HPR: variants seen among roughly 807,000 people sequenced by gnomAD.
The protein encoded by HPR is Haptoglobin-related locus.
In HPR, 17 loss-of-function variants were observed where a neutral mutation model predicts 18.5. The observed-to-expected ratio is 0.92, with a 90% CI of 0.63 to 1.38. The LOEUF (loss-of-function observed/expected upper bound fraction) is 1.38. Ranked by LOEUF, HPR falls within the 40% of genes most tolerant of loss-of-function variation. HPR has a pLI of 0.00. For missense variants in HPR, 457 were observed against 432.4 expected, an observed-to-expected ratio of 1.06 and a Z score of -0.51; for synonymous variants, 176 against 165.0, an observed-to-expected ratio of 1.07 and a Z score of -0.51.
intron 1 of HPR, among the ~76,000 whole-genome samples, chr16:72,066,697 C>G (rs1359002828): frequency 6.6e-6 from 1 of 152,110 alleles, no homozygotes; most frequent in Non-Finnish European, 1.5e-5. Context: ...GTTAAAGATC[C>G]ATTTTGTCAC....
chr16:72,063,975 C>T (rs911892457), intron 1 of HPR, among the ~76,000 whole-genome samples: 2 of 152,230 alleles, frequency 1.3e-5, no homozygotes, highest in Non-Finnish European at 2.9e-5. Flanking sequence ...CTCTTGACCT[C>T]GTGATCCACC....
chr16:72,065,958 C>T (rs1052502791), intron 1 of HPR, among the ~76,000 whole-genome samples: 33 of 152,158 alleles, frequency 2.2e-4, no homozygotes, highest in Non-Finnish European at 1.2e-4. Flanking sequence ...AGATTCTTCC[C>T]CAACTCATGA....
At chr16:72,072,660 C>G (rs1169649335) in intron 1 of HPR, among the ~76,000 whole-genome samples, 1 of 152,080 alleles carries the variant, frequency 6.6e-6, no homozygotes, top group Non-Finnish European at 1.5e-5. Context: ...GTTGCTTATT[C>G]TTGTAGGATG....
intron 4 of HPR, among the ~76,000 whole-genome samples, chr16:72,075,637 G>A (rs1017555369): frequency 6.6e-6 from 1 of 152,194 alleles, no homozygotes; most frequent in African/African-American, 2.4e-5. Context: ...AGGAACTGTT[G>A]CTCTCTCCTT....
At chr16:72,072,652 T>C (rs561958309) in intron 1 of HPR, among the ~76,000 whole-genome samples, 1 of 152,138 alleles carries the variant, frequency 6.6e-6, no homozygotes, top group Non-Finnish European at 1.5e-5. Flanking sequence ...AGAATAGGGT[T>C]GCTTATTCTT....
intron 1 of HPR, among the ~76,000 whole-genome samples, chr16:72,066,883 T>A (rs1194672029): frequency 6.6e-6 from 1 of 152,082 alleles, no homozygotes; most frequent in Non-Finnish European, 1.5e-5. Flanking sequence ...TCCAAACCCA[T>A]ATGCTACTAA....
Position 72,076,008 on chromosome 16 carries a change from A to G in HPR, c.269-295A>G, listed in dbSNP as rs59793890. On this transcript the variant is annotated intron_variant, in intron 4 of 4. Transcript: ENST00000540303. ...TTTCAATGAATTTCAGGGAATTGTG[A>G]AAATTCCTTTGTTGAGATAATTGTT... 5.3e-4 allele frequency among the ~76,000 whole-genome samples: 80 copies of G among 152,156 alleles called. 3 individuals are homozygous for G. The highest frequency in any genetic ancestry group is 4.3e-3 in the South Asian group (21 of 4,828).
chr16:72,072,837 A>C (rs1486225057), intron 1 of HPR, among the ~76,000 whole-genome samples: 1 of 152,204 alleles, frequency 6.6e-6, no homozygotes, highest in Non-Finnish European at 1.5e-5. Context: ...AAGAAAAAAT[A>C]CTGTAAAATA....
At chr16:72,073,554 T>C (rs1391318593) in intron 1 of HPR, among the ~76,000 whole-genome samples, 1 of 152,182 alleles carries the variant, frequency 6.6e-6, no homozygotes, top group Non-Finnish European at 1.5e-5. Flanking sequence ...TGTACCTTCC[T>C]GACTGCAGCC....
At chr16:72,063,661 C>G (rs116835266) in intron 1 of HPR, among the ~76,000 whole-genome samples, 3 of 152,210 alleles carry the variant, frequency 2.0e-5, no homozygotes, top group African/African-American at 7.2e-5. Context: ...TTGGGATACA[C>G]ACTAGTACCT....
chr16:72,075,833 C>CTTTT (rs34334289), intron 4 of HPR, among the ~76,000 whole-genome samples: 4 of 142,618 alleles, frequency 2.8e-5, no homozygotes, highest in African/African-American at 5.1e-5. Flanking sequence ...TTCTTTCTTT[C>CTTTT]TTTTTTTTTT....
At chr16:72,074,195 T>G (rs1033172253) in intron 2 of HPR, 89 bp from the exon 3 acceptor site, 12 of 1,296,952 alleles carry the variant, frequency 9.3e-6, no homozygotes, top group Middle Eastern at 4.1e-4. Context: ...GAGATTGATG[T>G]GCAGAGCAGC....
At chr16:72,069,968 A>G (rs2041637798) in intron 1 of HPR, among the ~76,000 whole-genome samples, 1 of 152,222 alleles carries the variant, frequency 6.6e-6, no homozygotes, top group African/African-American at 2.4e-5. Context: ...GCACTGATTC[A>G]GACAATGGAA....
chr16:72,070,142 G>T (rs1410306863), intron 1 of HPR, among the ~76,000 whole-genome samples: 2 of 152,164 alleles, frequency 1.3e-5, no homozygotes, highest in African/African-American at 4.8e-5. Flanking sequence ...GATTGCCATG[G>T]ACTAAATGTC....
At chr16:72,067,146 C>T (rs980360285) in intron 1 of HPR, among the ~76,000 whole-genome samples, 1 of 152,162 alleles carries the variant, frequency 6.6e-6, no homozygotes, top group Non-Finnish European at 1.5e-5. Context: ...CCCTTCCACT[C>T]ACGACCTTTG....
At chr16:72,063,520 G>A (rs2144057120) in intron 1 of HPR, among the ~76,000 whole-genome samples, 2 of 152,252 alleles carry the variant, frequency 1.3e-5, no homozygotes, top group South Asian at 2.1e-4. Context: ...TGTAGGGTAT[G>A]TCATCAGCTC....
chr16:72,064,488 C>G (rs1174846495), intron 1 of HPR, among the ~76,000 whole-genome samples: 2 of 152,158 alleles, frequency 1.3e-5, no homozygotes, highest in African/African-American at 4.8e-5. Context: ...CCCACCAAAA[C>G]TGATCTTCCC....
Position 72,074,294 on chromosome 16 carries a change from C to T in HPR, c.102C>T (p.Phe34=), listed in dbSNP as rs2041692358. 2.5e-6 allele frequency: 4 copies of T among 1,613,726 alleles called. No individual in the cohort carries two copies. In the Admixed American group the frequency reaches 6.7e-5, roughly 27 times the overall value. Residue 34 remains phenylalanine, a synonymous_variant, in exon 3 of 5, where the codon TTC becomes TTT. Coordinates refer to ENST00000540303, the MANE Select transcript of HPR (RefSeq NM_020995.4). ...NDVTDISDDR[F]PKPPEIANGY... Reference sequence around the variant, plus strand: ...TCTCTCTCTTTGCAGATGACCGCTTCCCGAAGCCCCCTGAGATTGCAAATG... The same window carrying T: ...TCTCTCTCTTTGCAGATGACCGCTTTCCGAAGCCCCCTGAGATTGCAAATG...
chr16:72,073,698 T>C, intron 1 of HPR, 194 bp from the exon 2 acceptor site: 1 of 1,484,652 alleles, frequency 6.7e-7, no homozygotes, highest in Non-Finnish European at 9.0e-7. Flanking sequence ...GGGCGGAGGG[T>C]GGGGGCAACT....
Sources: gnomAD v4.1 joint callset for allele counts (sites outside exome capture counted in the v4.1 genomes callset) on GRCh38, gnomAD v4.1.1 for gene constraint, MANE v1.5 for transcripts, NCBI Gene and HGNC (gene_info 2026-07-23, HGNC 2026-07-21) for gene names.